KLHL1: variants seen among roughly 807,000 people sequenced by gnomAD.
The protein encoded by KLHL1 is kelch-like protein 1.
Under a neutral mutation model 77.7 loss-of-function variants are expected in KLHL1, and 47 were observed. That is an observed-to-expected ratio of 0.60 (90% CI 0.48 to 0.77). The LOEUF (loss-of-function observed/expected upper bound fraction) is 0.77. Among genes scored for constraint, KLHL1 ranks in the 30% least tolerant of loss-of-function variants. The pLI is 0.00. For synonymous variants in KLHL1, 360 were observed against 325.2 expected, an observed-to-expected ratio of 1.11 and a Z score of -1.15; for missense variants, 925 against 910.8, an observed-to-expected ratio of 1.02 and a Z score of -0.20.
chr13:70,075,569 G>GTGTATATATA (rs761519216), intron 1 of KLHL1, among the ~76,000 whole-genome samples: 18 of 106,658 alleles, frequency 1.7e-4, no homozygotes, highest in African/African-American at 5.9e-4. Context: ...GTGTGTATGT[G>GTGTATATATA]TATATATATA....
chr13:70,016,259 G>A (rs1885655250), intron 1 of KLHL1, among the ~76,000 whole-genome samples: 1 of 152,224 alleles, frequency 6.6e-6, no homozygotes, highest in African/African-American at 2.4e-5. Context: ...TGAGGGCTGT[G>A]TGCTCCAGAG....
intron 1 of KLHL1, among the ~76,000 whole-genome samples, chr13:70,045,224 T>C (rs1377859829): frequency 6.6e-6 from 1 of 152,170 alleles, no homozygotes; most frequent in Non-Finnish European, 1.5e-5. Flanking sequence ...ATCAAGCATA[T>C]TACAATCAGC....
intron 1 of KLHL1, among the ~76,000 whole-genome samples, chr13:70,008,937 C>T (rs1262198666): frequency 6.6e-6 from 1 of 152,080 alleles, no homozygotes; most frequent in Non-Finnish European, 1.5e-5. Flanking sequence ...CAATGCACTT[C>T]TCTCTCCTTC....
intron 7 of KLHL1, among the ~76,000 whole-genome samples, chr13:69,773,863 CTATA>C (rs72007331): frequency 1.6e-4 from 24 of 145,902 alleles, no homozygotes; most frequent in Non-Finnish European, 1.2e-4. Context: ...AAGTCCTTGG[CTATA>C]TATATATATA....
At chr13:70,073,636 G>A (rs1165220823) in intron 1 of KLHL1, among the ~76,000 whole-genome samples, 1 of 151,960 alleles carries the variant, frequency 6.6e-6, no homozygotes, top group South Asian at 2.1e-4. Flanking sequence ...AAAAACCCGG[G>A]TGTGGTGGTG....
intron 5 of KLHL1, among the ~76,000 whole-genome samples, chr13:69,878,097 T>C (rs1880834200): frequency 6.6e-6 from 1 of 152,154 alleles, no homozygotes; most frequent in Non-Finnish European, 1.5e-5. Flanking sequence ...CATGTTCTGT[T>C]TGTTGATGAA....
At chr13:69,884,939 T>TATCTCTGCATCTAACTTAAATAATA (rs1343426441) in intron 4 of KLHL1, among the ~76,000 whole-genome samples, 2 of 3,472 alleles carry the variant, frequency 5.8e-4, no homozygotes, top group African/African-American at 1.1e-3. Flanking sequence ...CTTTTCTTTT[T>TATCTCTGCATCTAACTTAAATAATA]TTTTTTTTTT....
intron 1 of KLHL1, among the ~76,000 whole-genome samples, chr13:70,069,275 G>A (rs1394984542): frequency 2.0e-5 from 3 of 152,164 alleles, no homozygotes; most frequent in Non-Finnish European, 4.4e-5. Context: ...TAGGTTCTAG[G>A]AACATCCAAA....
At chr13:69,966,496 G>GAGAT (rs1884214560) in intron 2 of KLHL1, among the ~76,000 whole-genome samples, 1 of 152,104 alleles carries the variant, frequency 6.6e-6, no homozygotes, top group South Asian at 2.1e-4. Context: ...GATGTACAAG[G>GAGAT]AGATTAATGT....
intron 7 of KLHL1, among the ~76,000 whole-genome samples, chr13:69,772,485 C>T (rs890658163): frequency 3.3e-5 from 5 of 152,042 alleles, no homozygotes; most frequent in African/African-American, 1.2e-4. Flanking sequence ...CCTCAAATCA[C>T]ACCTCATTAA....
chr13:69,924,528 C>G (rs1882750783), intron 4 of KLHL1, among the ~76,000 whole-genome samples: 1 of 152,166 alleles, frequency 6.6e-6, no homozygotes, highest in Non-Finnish European at 1.5e-5. Context: ...AAGCTACCCA[C>G]AGAAAGTCTC....
chr13:69,821,775 T>G (rs1431637783), intron 6 of KLHL1, among the ~76,000 whole-genome samples: 2 of 152,246 alleles, frequency 1.3e-5, no homozygotes, highest in African/African-American at 4.8e-5. Context: ...TCCCCCGTTT[T>G]TACTTTATAC....
At chr13:69,877,473 A>G in intron 5 of KLHL1, among the ~76,000 whole-genome samples, 1 of 149,480 alleles carries the variant, frequency 6.7e-6, no homozygotes, top group South Asian at 2.1e-4. Context: ...ATATATATAT[A>G]TTTTTTTTTC....
At chr13:69,730,281 G>C (rs796842661) in intron 8 of KLHL1, among the ~76,000 whole-genome samples, 1 of 142,446 alleles carries the variant, frequency 7.0e-6, no homozygotes, top group African/African-American at 2.9e-5. Flanking sequence ...GTGTGTGTGT[G>C]TGTGTGTGTG....
Position 69,880,389 on chromosome 13 carries a change from T to C in KLHL1, c.1227+1894A>G, listed in dbSNP as rs544159048. Among the ~76,000 whole-genome samples, 6 of 152,240 alleles carry C rather than the reference T, an allele frequency of 3.9e-5. No homozygotes were observed. In the East Asian group the frequency reaches 9.7e-4, roughly 25 times the overall value. On this transcript the variant is annotated intron_variant, in intron 5 of 10. Coordinates refer to ENST00000377844, the MANE Select transcript of KLHL1 (RefSeq NM_020866.3). ...TCCTCCTGCACATCTGTTGTGAAGG[T>C]ACATATAAAGTTATAATGTGTGATA...
rs745440585 is a variant in KLHL1 at position 69,940,145 on chromosome 13, G to A, written c.909C>T (p.His303=). 3.5e-5 allele frequency: 57 copies of A among 1,612,754 alleles called. 1 individual carries two copies. In the East Asian group the frequency reaches 4.9e-4, roughly 14 times the overall value. ...QLPQVVEVCC[H]FLMKLLHPSN... The stretch of plus-strand genomic sequence containing the variant: ...ATGGATGCAAAAGCTTCATGAGGAA[G>A]TGGCAGCACACTTCCACCACCTGTG... Residue 303 remains histidine (H), a synonymous_variant, in exon 4 of 11, where the codon CAC becomes CAT. Coordinates refer to ENST00000377844, the MANE Select transcript of KLHL1 (RefSeq NM_020866.3).
At chr13:69,943,895 T>C (rs1247139980) in intron 3 of KLHL1, among the ~76,000 whole-genome samples, 1 of 152,220 alleles carries the variant, frequency 6.6e-6, no homozygotes, top group African/African-American at 2.4e-5. Context: ...AAGACCTACA[T>C]GCTGATGGCA....
chr13:69,741,821 C>T (rs1334762190), intron 7 of KLHL1, among the ~76,000 whole-genome samples: 1 of 152,128 alleles, frequency 6.6e-6, no homozygotes, highest in Non-Finnish European at 1.5e-5. Context: ...GCTGCAGTTC[C>T]TTTGAAATTT....
intron 1 of KLHL1, among the ~76,000 whole-genome samples, chr13:70,032,128 T>G (rs1886116887): frequency 6.6e-6 from 1 of 152,182 alleles, no homozygotes; most frequent in Admixed American, 6.5e-5. Context: ...TTGTAAACAT[T>G]TAAAAGTATA....
Sources: gnomAD v4.1 joint callset for allele counts (sites outside exome capture counted in the v4.1 genomes callset) on GRCh38, gnomAD v4.1.1 for gene constraint, MANE v1.5 for transcripts, NCBI Gene and HGNC (gene_info 2026-07-23, HGNC 2026-07-21) for gene names.